The following HPD variants were observed in gnomAD, a reference collection of about 807,000 sequenced individuals.
The protein encoded by HPD is 4-hydroxyphenylpyruvic acid oxidase.
A neutral mutation model predicts 56.9 loss-of-function variants in HPD; 35 were observed. The ratio of observed to expected loss-of-function variants is 0.62; its 90% confidence interval spans 0.47 to 0.82. HPD has a LOEUF of 0.82. HPD is among the 40% of genes least tolerant of loss of function. The probability of loss-of-function intolerance (pLI) is 0.00; values close to 1 mark genes in which losing one functional copy is unlikely to be tolerated. For missense variants in HPD, 442 were observed against 506.8 expected (o/e 0.87, Z 1.23); for synonymous variants, 186 against 200.2 (o/e 0.93, Z 0.60).
the HPD span, among the ~76,000 whole-genome samples, chr12:121,874,967 T>G: frequency 1.3e-5 from 2 of 152,086 alleles, no homozygotes; most frequent in African/African-American, 4.8e-5. Context: ...TCCATGCTGG[T>G]CAGGCTGGTC....
chr12:121,873,718 G>T, the HPD span, among the ~76,000 whole-genome samples: 2 of 152,200 alleles, frequency 1.3e-5, no homozygotes, highest in African/African-American at 2.4e-5. Context: ...TACGCGGGAG[G>T]CTGAGGCAGG....
At chr12:121,847,663 A>C (rs896953438) in intron 9 of HPD, among the ~76,000 whole-genome samples, 22 of 152,016 alleles carry the variant, frequency 1.4e-4, no homozygotes, top group Non-Finnish European at 2.6e-4. Flanking sequence ...TCAGCCTCCC[A>C]AGTAGCTGGG....
chr12:121,879,506 T>TCTC, the HPD span, among the ~76,000 whole-genome samples: 7 of 151,264 alleles, frequency 4.6e-5, no homozygotes, highest in East Asian at 9.7e-4. Flanking sequence ...TCTTCTCTTT[T>TCTC]TTCTTTTCTT....
the HPD span, among the ~76,000 whole-genome samples, chr12:121,876,810 G>T: frequency 3.3e-5 from 5 of 152,204 alleles, no homozygotes; most frequent in Admixed American, 6.6e-5. Context: ...GTGGCAGGGC[G>T]CGGTGGCTCA....
At position 121,854,631 on chromosome 12, in the gene HPD, G is replaced by A. The variant is rs1877926237; in HGVS notation, c.414+72C>T. ...CCCATGGGTGGGATGGTTTGATGGA[G>A]TCAGCTGCGGGGCTCCTGGCATCTC... On this transcript the variant is annotated intron_variant, in intron 7 of 13. Transcript: ENST00000289004. 6.7e-6 allele frequency: 7 copies of A among 1,040,980 alleles called. No individual in the cohort carries two copies. The South Asian group carries it at 7.5e-5, about 11-fold the overall frequency. 64.5% of individuals were successfully genotyped at this position (1,040,980 alleles called of 1,614,324 possible). A position where few individuals can be genotyped will look rare whatever the true frequency, so the allele number is the denominator to read the frequency against.
chr12:121,849,594 C>G (rs1441803970), intron 8 of HPD, 93 bp downstream of exon 8: 7 of 884,498 alleles, frequency 7.9e-6, no homozygotes, highest in Non-Finnish European at 1.1e-5. Flanking sequence ...CATTCTGCCC[C>G]AACACACATG....
chr12:121,868,498 CCTGT>C (rs1878382164), upstream of HPD, among the ~76,000 whole-genome samples: 2 of 139,526 alleles, frequency 1.4e-5, no homozygotes, highest in South Asian at 2.4e-4. Flanking sequence ...CAGCCCTTTG[CCTGT>C]CTATTTCTTT....
At chr12:121,887,785 C>CT in the HPD span, among the ~76,000 whole-genome samples, 9 of 152,244 alleles carry the variant, frequency 5.9e-5, no homozygotes, top group South Asian at 1.7e-3. Context: ...ACAACATTGA[C>CT]TTTTTTTGAA....
At chr12:121,886,659 A>G in the HPD span, among the ~76,000 whole-genome samples, 1 of 152,170 alleles carries the variant, frequency 6.6e-6, no homozygotes, top group African/African-American at 2.4e-5. Context: ...ACATCTAAAT[A>G]ATTGAGCATT....
chr12:121,875,689 G>A, the HPD span, among the ~76,000 whole-genome samples: 4 of 152,112 alleles, frequency 2.6e-5, no homozygotes, highest in South Asian at 4.1e-4. Flanking sequence ...GCGTCCCAAA[G>A]TGTTGGGATT....
intron 11 of HPD, among the ~76,000 whole-genome samples, chr12:121,846,255 C>T (rs899299780): frequency 3.3e-5 from 5 of 152,240 alleles, no homozygotes; most frequent in East Asian, 1.9e-4. Context: ...TCACTCTTGT[C>T]GCCCAGGCTG....
intron 7 of HPD, chr12:121,850,047 G>A (rs1371327086): frequency 2.1e-6 from 1 of 476,572 alleles, no homozygotes; most frequent in Non-Finnish European, 3.9e-6. Context: ...TGGCACAGGG[G>A]AGGTACTCAA....
chr12:121,845,061 A>G (rs1877533528), intron 11 of HPD, among the ~76,000 whole-genome samples: 1 of 147,748 alleles, frequency 6.8e-6, no homozygotes, highest in African/African-American at 2.6e-5. Flanking sequence ...TCCAGCCTAG[A>G]AGACAGAGCA....
At chr12:121,877,477 G>A in the HPD span, among the ~76,000 whole-genome samples, 3 of 151,628 alleles carry the variant, frequency 2.0e-5, no homozygotes, top group Non-Finnish European at 4.4e-5. Flanking sequence ...CACGCCTGTA[G>A]TCCCAGCACT....
chr12:121,858,115 G>T (rs1878072761), intron 2 of HPD, among the ~76,000 whole-genome samples: 1 of 152,198 alleles, frequency 6.6e-6, no homozygotes. Context: ...AGAACTTCCA[G>T]ATGGGATTAA....
rs756603135 is a variant in HPD at position 121,843,682 on chromosome 12, A to G, written c.954+28T>C. 9.3e-6 allele frequency: 15 copies of G among 1,613,292 alleles called. No homozygotes were observed. In the East Asian group the frequency reaches 3.1e-4, roughly 34 times the overall value. ...AATGCAGAGCTCATACTCCCCCCAC[A>G]AGGCTGCGGATCCTGCCTGGGCCTC... is the stretch of plus-strand genomic sequence containing the variant. On this transcript the variant is annotated intron_variant, in intron 12 of 13. Transcript: ENST00000289004.
chr12:121,859,207 G>C, upstream of HPD: 2 of 344,652 alleles, frequency 5.8e-6, no homozygotes, highest in South Asian at 5.3e-5. Context: ...GGAAATTTGA[G>C]GGGGCATTTG....
chr12:121,876,056 A>T, the HPD span, among the ~76,000 whole-genome samples: 1 of 152,220 alleles, frequency 6.6e-6, no homozygotes, highest in Non-Finnish European at 1.5e-5. Flanking sequence ...TCACGCCTGT[A>T]ATCCAGCACC....
chr12:121,865,583 C>CA (rs1185921280), upstream of HPD, among the ~76,000 whole-genome samples: 3 of 131,962 alleles, frequency 2.3e-5, no homozygotes, highest in Admixed American at 7.7e-5. Context: ...CACTCTCTTT[C>CA]AAAAAAAAGG....
Sources: allele counts gnomAD v4.1 joint callset (sites outside exome capture counted in the v4.1 genomes callset), GRCh38; gene constraint gnomAD v4.1.1; transcripts MANE v1.5; gene names NCBI Gene and HGNC (gene_info 2026-07-23, HGNC 2026-07-21).